Variants in TATDN1 observed in about 807,000 individuals in gnomAD.
TATDN1 encodes the protein deoxyribonuclease TATDN1.
Under a neutral mutation model 46.4 loss-of-function variants are expected in TATDN1, and 40 were observed. The observed-to-expected ratio is 0.86, with a 90% confidence interval of 0.67 to 1.12. TATDN1 has a LOEUF of 1.12. Ranked by LOEUF, TATDN1 falls within the 50% of genes most tolerant of loss-of-function variation. The pLI, the probability that TATDN1 is intolerant of heterozygous loss-of-function variation, is 0.00. For missense variants in TATDN1, 326 were observed against 348.4 expected (o/e 0.94, Z 0.51); for synonymous variants, 95 against 105.6 (o/e 0.90, Z 0.62).
chr8:124,538,147 C>G (rs1821644885), intron 1 of TATDN1, among the ~76,000 whole-genome samples: 1 of 152,162 alleles, frequency 6.6e-6, no homozygotes, highest in African/African-American at 2.4e-5. Flanking sequence ...TATTTAAGTA[C>G]TTTTCCAAAC....
chr8:124,520,942 CA>C (rs1162309758), intron 3 of TATDN1, among the ~76,000 whole-genome samples: 27,779 of 82,502 alleles, frequency 0.34, 1,942 homozygotes, highest in African/African-American at 0.41. Context: ...GACTCCGTCT[CA>C]AAAAAAAAAA....
chr8:124,488,679 A>G lies in TATDN1; in HGVS notation c.809T>C (p.Met270Thr). ...PCHIIQILEI[M>T]SAVRDEDPLE... ...TGGATCCTCATCTCTCACTGCTGAC[A>G]TTATCTCCAATATTTGACTAAAACA... is the stretch of plus-strand genomic sequence containing the variant. The change falls in exon 12 of 12, where the codon ATG (methionine) becomes ACG (threonine). Residue 270 changes from methionine (M) to threonine (T), a missense_variant. Physicochemically the swap from Met to Thr is moderately conservative, Grantham distance 81. Coordinates refer to ENST00000276692, the MANE Select transcript of TATDN1 (RefSeq NM_032026.4). 6.2e-7 allele frequency: 1 copy of G among 1,601,636 alleles called. No homozygotes were observed. The highest frequency in any genetic ancestry group is 8.6e-7 in the Non-Finnish European group (1 of 1,169,364).
At chr8:124,494,112 C>A in intron 10 of TATDN1, 153 bp from the exon 11 acceptor site, 1 of 680,916 alleles carries the variant, frequency 1.5e-6, no homozygotes, top group Non-Finnish European at 2.2e-6. Context: ...AAGAAAAGCA[C>A]AAGATAAAAT....
At chr8:124,528,128 C>T (rs369308647) in intron 1 of TATDN1, among the ~76,000 whole-genome samples, 5 of 152,098 alleles carry the variant, frequency 3.3e-5, no homozygotes, top group Admixed American at 1.3e-4. Context: ...ATTAGTAGTT[C>T]ATAGCTCTTG....
At chr8:124,506,334 CAAAAA>C (rs56023168) in intron 8 of TATDN1, among the ~76,000 whole-genome samples, 3 of 52,526 alleles carry the variant, frequency 5.7e-5, no homozygotes, top group Non-Finnish European at 1.1e-4. Context: ...GGCTCTGTCT[CAAAAA>C]AAAAAAAAAA....
intron 1 of TATDN1, among the ~76,000 whole-genome samples, chr8:124,525,075 G>T (rs533411277): frequency 6.6e-6 from 1 of 152,158 alleles, no homozygotes; most frequent in African/African-American, 2.4e-5. Flanking sequence ...TAAAGGCCAT[G>T]CAGATGTAGA....
chr8:124,528,223 G>A (rs1820668057), intron 1 of TATDN1, among the ~76,000 whole-genome samples: 1 of 152,036 alleles, frequency 6.6e-6, no homozygotes, highest in Non-Finnish European at 1.5e-5. Flanking sequence ...ACCCAGGCTG[G>A]AGTACAGTGG....
chr8:124,490,319 G>A lies in TATDN1; in HGVS notation c.792-1623C>T, dbSNP rs1053637817. 5 of 152,120 alleles carry A rather than the reference G, an allele frequency of 3.3e-5. No individual in the cohort carries two copies. The East Asian group carries it at 7.7e-4, about 23-fold the overall frequency. 9.4% of individuals were successfully genotyped at this position (152,120 alleles called of 1,614,324 possible). The stretch of plus-strand genomic sequence containing the variant: ...GAACTCAAGAGTTCGAGACCAGTGT[G>A]GGCAATATGGTGAAACCCTATTTCT... On this transcript the variant is annotated intron_variant, in intron 11 of 11. Coordinates refer to ENST00000276692, the MANE Select transcript of TATDN1 (RefSeq NM_032026.4).
intron 1 of TATDN1, among the ~76,000 whole-genome samples, chr8:124,524,546 T>C (rs939151019): frequency 2.6e-5 from 4 of 152,188 alleles, no homozygotes; most frequent in African/African-American, 9.7e-5. Context: ...GGGTCACCGA[T>C]CATCACTGAT....
intron 1 of TATDN1, among the ~76,000 whole-genome samples, chr8:124,535,755 T>C (rs1012544719): frequency 6.6e-6 from 1 of 152,210 alleles, no homozygotes; most frequent in African/African-American, 2.4e-5. Flanking sequence ...AAAAGAGGTG[T>C]ATTTGGCTCA....
At chr8:124,495,693 T>G (rs1817405786) in intron 9 of TATDN1, 151 bp from the exon 10 acceptor site, 1 of 603,422 alleles carries the variant, frequency 1.7e-6, no homozygotes, top group African/African-American at 1.9e-5. Context: ...CACACCTCCA[T>G]ACTTCAACAA....
At chr8:124,499,253 T>C (rs1817739864) in intron 9 of TATDN1, among the ~76,000 whole-genome samples, 1 of 152,158 alleles carries the variant, frequency 6.6e-6, no homozygotes, top group Admixed American at 6.6e-5. Flanking sequence ...AAATTCTTAT[T>C]TTCAGCCAGC....
At chr8:124,526,186 T>C (rs750999286) in intron 1 of TATDN1, among the ~76,000 whole-genome samples, 3 of 152,212 alleles carry the variant, frequency 2.0e-5, no homozygotes, top group Non-Finnish European at 4.4e-5. Flanking sequence ...CACCTTTTGA[T>C]TTGTCCTTTA....
chr8:124,508,751 G>A, intron 6 of TATDN1, 63 bp from the exon 7 acceptor site: 1 of 1,007,068 alleles, frequency 9.9e-7, no homozygotes, highest in East Asian at 2.6e-5. Context: ...GGAAGGTAAT[G>A]ATGTCAAAAG....
chr8:124,513,208 C>T lies in TATDN1; in HGVS notation c.389+2538G>A, dbSNP rs186513978. Among the ~76,000 whole-genome samples the T allele has an allele frequency of 4.0e-3, 613 of 152,124 alleles. 4 individuals carry two copies. Among genetic ancestry groups the T allele is most frequent in the African/African-American group, 0.014 (582 of 41,526 alleles). On this transcript the variant is annotated intron_variant, in intron 6 of 11. Transcript: ENST00000276692. Reference sequence around the variant, plus strand: ...AATTATAGGCATGAACCACCGCACCCGGCTGTTTTTTTAACCAAGTCATTT... The same window carrying T: ...AATTATAGGCATGAACCACCGCACCTGGCTGTTTTTTTAACCAAGTCATTT...
chr8:124,493,672 G>T, intron 11 of TATDN1, 161 bp downstream of exon 11: 1 of 697,194 alleles, frequency 1.4e-6, no homozygotes, highest in East Asian at 2.8e-5. Flanking sequence ...ACTTAAACCA[G>T]GTATGCAAAT....
chr8:124,522,097 A>T, intron 3 of TATDN1, 54 bp downstream of exon 3: 2 of 1,302,840 alleles, frequency 1.5e-6, no homozygotes, highest in Non-Finnish European at 2.2e-6. Flanking sequence ...TTTAACTAAA[A>T]TTTAGTTAAA....
chr8:124,525,130 G>A (rs951235995), intron 1 of TATDN1, among the ~76,000 whole-genome samples: 2 of 151,974 alleles, frequency 1.3e-5, no homozygotes, highest in African/African-American at 4.8e-5. Context: ...CCACACTTTA[G>A]CATCATCCTA....
chr8:124,493,981 C>A (rs750203202), intron 10 of TATDN1, 22 bp from the exon 11 acceptor site: 1 of 1,589,030 alleles, frequency 6.3e-7, no homozygotes, highest in South Asian at 1.2e-5. Flanking sequence ...AAGAAAGTGT[C>A]TCGTAAGGGG....
Sources: gnomAD v4.1 joint callset for allele counts (sites outside exome capture counted in the v4.1 genomes callset) on GRCh38, gnomAD v4.1.1 for gene constraint, MANE v1.5 for transcripts, NCBI Gene and HGNC (gene_info 2026-07-23, HGNC 2026-07-21) for gene names.